The following RGS12 variants were observed in gnomAD, a reference collection of about 807,000 sequenced individuals.
RGS12 encodes the protein regulator of G-protein signaling 12.
In RGS12, 66 loss-of-function variants were observed where a neutral mutation model predicts 120.1. The ratio of observed to expected loss-of-function variants is 0.55; its 90% CI spans 0.45 to 0.67. The LOEUF (loss-of-function observed/expected upper bound fraction) is 0.67. Among genes scored for constraint, RGS12 ranks in the 30% least tolerant of loss-of-function variants. RGS12 has a pLI of 0.00. For missense variants in RGS12, 1,859 were observed against 1,957.7 expected (o/e 0.95, Z 0.95); for synonymous variants, 827 against 804.7 (o/e 1.03, Z -0.47).
intron 3 of RGS12, among the ~76,000 whole-genome samples, chr4:3,383,737 C>T (rs1297657957): frequency 1.3e-5 from 2 of 152,196 alleles, no homozygotes; most frequent in Non-Finnish European, 2.9e-5. Context: ...GTCTTAGAGC[C>T]TCCCAGAGGC....
At chr4:3,384,394 T>C (rs1379303023) in intron 3 of RGS12, among the ~76,000 whole-genome samples, 1 of 152,182 alleles carries the variant, frequency 6.6e-6, no homozygotes, top group Non-Finnish European at 1.5e-5. Context: ...CCTCAGGTGA[T>C]CCACTCACCT....
At chr4:3,363,156 CGTGT>C (rs906999595) in intron 3 of RGS12, among the ~76,000 whole-genome samples, 2 of 130,234 alleles carry the variant, frequency 1.5e-5, no homozygotes, top group Admixed American at 7.5e-5. Context: ...TGCGCGAGGG[CGTGT>C]GTGTGAGTGT....
Position 3,374,902 on chromosome 4 carries a change from T to C in RGS12, c.1999-11514T>C, listed in dbSNP as rs544451922. ...GCGGGGCAGGGCTGCCAGTTTGGGG[T>C]TTGCATGTTGATTTTGTACATCCAG... On this transcript the variant is annotated intron_variant, in intron 3 of 17. Transcript: ENST00000336727. The surrounding 1 kb of genome is among the most constrained non-coding windows in gnomAD (Gnocchi z 6.3). Among the ~76,000 whole-genome samples, 1 of 152,152 alleles carries C rather than the reference T, an allele frequency of 6.6e-6. No individual in the cohort carries two copies. Among genetic ancestry groups the C allele is most frequent in the South Asian group, 2.1e-4 (1 of 4,818 alleles).
Position 3,426,424 on chromosome 4 carries a change from C to T in RGS12, c.3331+864C>T, listed in dbSNP as rs139755631. On this transcript the variant is annotated intron_variant, in intron 14 of 17. Coordinates refer to ENST00000336727, the MANE Select transcript of RGS12 (RefSeq NM_001394154.1). ...GGGCCCCCTGGTCCCTCCTTGGTGC[C>T]CTGATCTGGCGCCCTTCCCTCCAGG... Among the ~76,000 whole-genome samples, 233 of 152,070 alleles carry T rather than the reference C, an allele frequency of 1.5e-3. 1 individual carries two copies. Among genetic ancestry groups the T allele is most frequent in the Middle Eastern group, 6.8e-3 (2 of 294 alleles).
chr4:3,332,160 C>T (rs754473248), intron 2 of RGS12, among the ~76,000 whole-genome samples: 39 of 152,302 alleles, frequency 2.6e-4, no homozygotes, highest in African/African-American at 7.7e-4. Context: ...GGCCCCTTCA[C>T]TGTTGGCTCG....
chr4:3,402,202 C>G (rs1420194983), intron 4 of RGS12, among the ~76,000 whole-genome samples: 12 of 152,224 alleles, frequency 7.9e-5, no homozygotes, highest in African/African-American at 2.7e-4. Context: ...TTACATCTAA[C>G]ATATTATATT....
rs114912874 is a variant in RGS12 at position 3,329,042 on chromosome 4, T to C, written c.1881+10991T>C. On this transcript the variant is annotated intron_variant, in intron 2 of 17. Transcript: ENST00000336727. ...CAGGCCAAGAGGCTCAGCTGTTGGA[T>C]TCCAGGTTGGAGAGCTGAGGGTTCC... Among the ~76,000 whole-genome samples the C allele has an allele frequency of 2.4e-3, 359 of 152,284 alleles. 1 individual carries two copies. The highest frequency in any genetic ancestry group is 8.0e-3 in the African/African-American group (333 of 41,554).
At chr4:3,358,260 A>C (rs557240912) in intron 3 of RGS12, among the ~76,000 whole-genome samples, 3 of 152,284 alleles carry the variant, frequency 2.0e-5, no homozygotes, top group South Asian at 4.1e-4. Context: ...GTCTACATAA[A>C]ATATCTTACC....
rs199693621 is a variant in RGS12 at position 3,317,793 on chromosome 4, C to T, written c.1623C>T (p.His541=). Residue 541 remains histidine (H), a synonymous_variant, in exon 2 of 18, where the codon CAC becomes CAT. Coordinates refer to ENST00000336727, the MANE Select transcript of RGS12 (RefSeq NM_001394154.1). The part of the protein sequence containing the change: ...CGFNQRWLPV[H]VLREWQCGHT... ...TCAACCAGCGCTGGCTCCCGGTCCA[C>T]GTGCTCCGGGAGTGGCAGTGCGGAC... The T allele has an allele frequency of 5.6e-6, 9 of 1,613,390 alleles. No individual in the cohort carries two copies. Among genetic ancestry groups the T allele is most frequent in the Middle Eastern group, 3.3e-4 (2 of 6,062 alleles).
intron 3 of RGS12, among the ~76,000 whole-genome samples, chr4:3,367,805 G>C (rs2108873596): frequency 6.6e-6 from 1 of 152,342 alleles, no homozygotes; most frequent in Admixed American, 6.5e-5. Flanking sequence ...GAGGAGATGG[G>C]GGGAGCCTAG....
At chr4:3,303,305 G>A (rs1723786515) in intron 1 of RGS12, among the ~76,000 whole-genome samples, 1 of 152,192 alleles carries the variant, frequency 6.6e-6, no homozygotes, top group Non-Finnish European at 1.5e-5. Context: ...CACCATGCAA[G>A]GTGAGCCTCG....
At chr4:3,336,335 T>A (rs989957687) in intron 2 of RGS12, among the ~76,000 whole-genome samples, 1 of 152,156 alleles carries the variant, frequency 6.6e-6, no homozygotes, top group Non-Finnish European at 1.5e-5. Context: ...AGCTACCCCT[T>A]CTCTACATAG....
At chr4:3,415,064 G>C (rs548895670) in intron 6 of RGS12, among the ~76,000 whole-genome samples, 1 of 147,326 alleles carries the variant, frequency 6.8e-6, no homozygotes, top group African/African-American at 2.5e-5. Context: ...CTGTGTGTGA[G>C]GGGCGTGTGA....
intron 3 of RGS12, among the ~76,000 whole-genome samples, chr4:3,356,319 T>G (rs1714896578): frequency 6.6e-6 from 1 of 152,172 alleles, no homozygotes; most frequent in Admixed American, 6.5e-5. Flanking sequence ...CCTCCCAAAG[T>G]GCTAGGATTA....
At chr4:3,321,267 G>A (rs1158705726) in intron 2 of RGS12, among the ~76,000 whole-genome samples, 2 of 152,206 alleles carry the variant, frequency 1.3e-5, no homozygotes, top group African/African-American at 2.4e-5. Context: ...CAGAGTAGGG[G>A]CCTTATCTGA....
rs762403521 is a variant in RGS12, at chr4:3,439,618, C to G, written c.4278C>G (p.Gly1426=). The change falls in exon 18 of 18, where the codon GGC becomes GGG. Residue 1426 remains glycine (G), a synonymous_variant. Transcript: ENST00000336727. ...SGGPPTSDLP[G]LGPVPGEPAK... is the part of the protein sequence containing the mutation. Reference sequence around the variant, plus strand: ...GGCCTCCTACATCAGACCTCCCTGGCTTGGGCCCCGTCCCGGGTGAGCCTG... The same window carrying G: ...GGCCTCCTACATCAGACCTCCCTGGGTTGGGCCCCGTCCCGGGTGAGCCTG... 12 of 1,603,442 alleles carry G rather than the reference C, an allele frequency of 7.5e-6. No homozygotes were observed. The highest frequency in any genetic ancestry group is 8.5e-7 in the Non-Finnish European group (1 of 1,174,820).
the RGS12 span, among the ~76,000 whole-genome samples, chr4:3,286,361 G>A: frequency 6.6e-6 from 1 of 152,180 alleles, no homozygotes; most frequent in African/African-American, 2.4e-5. Flanking sequence ...GTATGCGGTG[G>A]GCAAACCTCC....
intron 2 of RGS12, among the ~76,000 whole-genome samples, chr4:3,321,516 C>T (rs1158227682): frequency 6.6e-6 from 1 of 152,198 alleles, no homozygotes; most frequent in Non-Finnish European, 1.5e-5. Flanking sequence ...GGGTTTGGCG[C>T]TGAGAAGAAA....
chr4:3,301,054 C>T (rs1313567422), intron 1 of RGS12, among the ~76,000 whole-genome samples: 2 of 152,016 alleles, frequency 1.3e-5, no homozygotes, highest in East Asian at 1.9e-4. Context: ...AACACGGGGT[C>T]TGTCCCCGGC....
Sources: allele counts gnomAD v4.1 joint callset (sites outside exome capture counted in the v4.1 genomes callset), GRCh38; gene constraint gnomAD v4.1.1; non-coding constraint Gnocchi (gnomAD v3.1); transcripts MANE v1.5; gene names NCBI Gene and HGNC (gene_info 2026-07-23, HGNC 2026-07-21).